The following ZFHX3 variants were observed in gnomAD, a reference collection of about 807,000 sequenced individuals.
ZFHX3 encodes zinc finger homeobox protein 3.
Under a neutral mutation model 279.1 loss-of-function variants are expected in ZFHX3, and 42 were observed. That is an observed-to-expected ratio of 0.15 (90% confidence interval 0.12 to 0.19). The LOEUF is 0.19. Ranked by LOEUF, ZFHX3 falls within the 10% of genes least tolerant of loss-of-function variation. ZFHX3 has a pLI of 1.00. For missense variants in ZFHX3, 4,981 were observed against 4,754.0 expected (o/e 1.05, Z -1.40); for synonymous variants, 2,293 against 1,957.8 (o/e 1.17, Z -4.52).
chr16:73,131,076 T>C (rs1343164447), exon 7 of ZFHX3: 4 of 955,810 alleles, frequency 4.2e-6, no homozygotes, highest in Non-Finnish European at 6.0e-6. Flanking sequence ...TTAACTTCTT[T>C]GTGTCTCAGC....
At chr16:72,945,728 C>T (rs756102290) in intron 3 of ZFHX3, among the ~76,000 whole-genome samples, 4 of 151,958 alleles carry the variant, frequency 2.6e-5, no homozygotes, top group Admixed American at 1.3e-4. Flanking sequence ...TCCAGAATCC[C>T]GACGCAAACC....
chr16:73,767,107 T>C (rs2053958153), intron 1 of ZFHX3, among the ~76,000 whole-genome samples: 1 of 152,092 alleles, frequency 6.6e-6, no homozygotes, highest in Admixed American at 6.6e-5. Flanking sequence ...GGCTCATTTT[T>C]TGTATTTTTA....
chr16:73,682,946 G>GAA (rs879488631), intron 1 of ZFHX3, among the ~76,000 whole-genome samples: 264 of 17,842 alleles, frequency 0.015, 23 homozygotes, highest in African/African-American at 0.04. Context: ...AAGAAAGAAA[G>GAA]AAAGAAAGAA....
chr16:73,682,902 G>GA (rs374014396), intron 1 of ZFHX3, among the ~76,000 whole-genome samples: 9 of 51,578 alleles, frequency 1.7e-4, no homozygotes, highest in African/African-American at 4.2e-4. Context: ...AAGAAAGAAA[G>GA]AAAGAGAAAG....
intron 1 of ZFHX3, among the ~76,000 whole-genome samples, chr16:72,975,720 C>T (rs944937267): frequency 1.3e-5 from 2 of 152,168 alleles, no homozygotes; most frequent in Admixed American, 6.5e-5. Flanking sequence ...ACTTCCTTAA[C>T]CTTCCAGAAG....
At chr16:73,696,629 T>C (rs955085556) in intron 1 of ZFHX3, among the ~76,000 whole-genome samples, 1 of 152,242 alleles carries the variant, frequency 6.6e-6, no homozygotes, top group African/African-American at 2.4e-5. Context: ...TCCAAATTCA[T>C]TGCTTTCCCT....
chr16:73,699,961 T>C (rs545519864), intron 1 of ZFHX3, among the ~76,000 whole-genome samples: 14 of 152,312 alleles, frequency 9.2e-5, no homozygotes, highest in Non-Finnish European at 1.2e-4. Context: ...CAGTGGCTCA[T>C]ACCTGTAATC....
intron 1 of ZFHX3, among the ~76,000 whole-genome samples, chr16:73,031,331 CGAAG>C (rs1964689583): frequency 6.6e-6 from 1 of 152,008 alleles, no homozygotes; most frequent in African/African-American, 2.4e-5. Context: ...TTCACACCAG[CGAAG>C]GAAGGAAGGA....
intron 1 of ZFHX3, among the ~76,000 whole-genome samples, chr16:73,686,597 G>C (rs2053086943): frequency 6.6e-6 from 1 of 152,150 alleles, no homozygotes; most frequent in Admixed American, 6.5e-5. Flanking sequence ...GCTGCCCAGA[G>C]TGATGAGTCC....
chr16:73,612,304 G>C (rs1056147968), intron 2 of ZFHX3, among the ~76,000 whole-genome samples: 7 of 152,114 alleles, frequency 4.6e-5, no homozygotes, highest in Admixed American at 3.3e-4. Context: ...ACCTCATGAG[G>C]CAAGCTTCAG....
At chr16:73,340,029 C>G (rs1467750390) in intron 3 of ZFHX3, among the ~76,000 whole-genome samples, 1 of 152,132 alleles carries the variant, frequency 6.6e-6, no homozygotes, top group East Asian at 1.9e-4. Flanking sequence ...AGAGAGAGCT[C>G]CTAGCACCTG....
At chr16:73,126,388 G>T (rs1966570177) in intron 7 of ZFHX3, among the ~76,000 whole-genome samples, 1 of 152,166 alleles carries the variant, frequency 6.6e-6, no homozygotes, top group South Asian at 2.1e-4. Context: ...AGAGACAAGG[G>T]CATTGCGCTG....
chr16:73,417,581 T>C (rs937225903), intron 3 of ZFHX3, among the ~76,000 whole-genome samples: 5 of 151,762 alleles, frequency 3.3e-5, no homozygotes, highest in South Asian at 4.2e-4. Flanking sequence ...ATTTTTATCA[T>C]TGGGGAAGTT....
chr16:73,053,033 G>A (rs1311026472), upstream of ZFHX3, among the ~76,000 whole-genome samples: 1 of 152,112 alleles, frequency 6.6e-6, no homozygotes, highest in African/African-American at 2.4e-5. Flanking sequence ...ACTTCCTAAT[G>A]ACTGCTTTTT....
At chr16:73,074,227 G>T (rs958111642) in intron 8 of ZFHX3, among the ~76,000 whole-genome samples, 4 of 152,194 alleles carry the variant, frequency 2.6e-5, no homozygotes, top group Admixed American at 6.5e-5. Context: ...GAGTCTAGCT[G>T]AAGGCTCAGG....
intron 3 of ZFHX3, among the ~76,000 whole-genome samples, chr16:73,416,656 G>T (rs1345053499): frequency 1.3e-5 from 2 of 152,116 alleles, no homozygotes; most frequent in African/African-American, 4.8e-5. Flanking sequence ...GGTGGACCAC[G>T]AGGTCAGGAG....
intron 2 of ZFHX3, among the ~76,000 whole-genome samples, chr16:73,610,293 G>A (rs1197821700): frequency 1.3e-5 from 2 of 152,130 alleles, no homozygotes; most frequent in African/African-American, 2.4e-5. Context: ...AAAATCTGAC[G>A]CAATCACTCA....
At chr16:73,000,870 A>C (rs1197851468) in intron 1 of ZFHX3, among the ~76,000 whole-genome samples, 1 of 152,196 alleles carries the variant, frequency 6.6e-6, no homozygotes, top group East Asian at 1.9e-4. Flanking sequence ...CTGGGGGTGG[A>C]GACAAGAACA....
chr16:72,984,164 G>C (rs1013914622), intron 1 of ZFHX3, among the ~76,000 whole-genome samples: 1 of 152,132 alleles, frequency 6.6e-6, no homozygotes, highest in African/African-American at 2.4e-5. Context: ...TTCACTCCTG[G>C]CTCCTCTCAG....
Sources: gnomAD v4.1 joint callset for allele counts (sites outside exome capture counted in the v4.1 genomes callset) on GRCh38, gnomAD v4.1.1 for gene constraint, MANE v1.5 for transcripts, NCBI Gene and HGNC (gene_info 2026-07-23, HGNC 2026-07-21) for gene names.